SHROOM2: variants seen among roughly 807,000 people sequenced by gnomAD.
SHROOM2 encodes the protein shroom family member 2, also known as protein Shroom2.
In SHROOM2, 33 loss-of-function variants were observed where a neutral mutation model predicts 75.9. That is an observed-to-expected ratio of 0.43 (90% CI 0.33 to 0.58). The LOEUF (loss-of-function observed/expected upper bound fraction) is 0.58. Among genes scored for constraint, SHROOM2 ranks in the 20% least tolerant of loss-of-function variants. The pLI is 0.04. For synonymous variants in SHROOM2, 655 were observed against 663.6 expected (o/e 0.99, Z 0.20); for missense variants, 1,434 against 1,461.2 (o/e 0.98, Z 0.30).
intron 2 of SHROOM2, among the ~76,000 whole-genome samples, chrX:9,887,483 CAAAAAAT>C: frequency 9.0e-6 from 1 of 111,367 alleles, no homozygotes; most frequent in Admixed American, 9.5e-5. Context: ...CTCATCTCTA[CAAAAAAT>C]AAAAAATTAA....
intron 1 of SHROOM2, among the ~76,000 whole-genome samples, chrX:9,801,256 A>G (rs964074998): frequency 6.2e-5 from 7 of 112,268 alleles, no homozygotes; most frequent in African/African-American, 1.9e-4. Context: ...CCATGATTCA[A>G]TTATCTCCCA....
At chrX:9,859,361 T>C (rs1192905442) in intron 1 of SHROOM2, among the ~76,000 whole-genome samples, 4 of 112,604 alleles carry the variant, frequency 3.6e-5, no homozygotes, top group Non-Finnish European at 7.5e-5. Flanking sequence ...GCCTATTGCA[T>C]TGCGACCAGC....
At chrX:9,918,489 T>G (rs2084511464) in intron 5 of SHROOM2, among the ~76,000 whole-genome samples, 2 of 111,192 alleles carry the variant, frequency 1.8e-5, no homozygotes, top group South Asian at 7.6e-4. Context: ...CGCATATCTT[T>G]TCTTTTTTTG....
intron 1 of SHROOM2, among the ~76,000 whole-genome samples, chrX:9,796,440 TA>T (rs2083695530): frequency 9.1e-6 from 1 of 109,743 alleles, no homozygotes; most frequent in Admixed American, 9.7e-5. Flanking sequence ...AAAAAATAAA[TA>T]AAAAATAAAA....
At chrX:9,944,989 C>A in intron 9 of SHROOM2, 76 bp downstream of exon 9, 1 of 1,067,568 alleles carries the variant, frequency 9.4e-7, no homozygotes. Flanking sequence ...TCGTGAAAGT[C>A]AGCTCCTTGG....
intron 1 of SHROOM2, among the ~76,000 whole-genome samples, chrX:9,791,630 A>G (rs2083648169): frequency 1.8e-5 from 2 of 112,029 alleles, no homozygotes; most frequent in South Asian, 3.7e-4. Context: ...TGCAAGCCGA[A>G]AACTTTAACC....
chrX:9,828,589 C>A (rs1284733240), intron 1 of SHROOM2, among the ~76,000 whole-genome samples: 1 of 111,062 alleles, frequency 9.0e-6, no homozygotes, highest in Non-Finnish European at 1.9e-5. Flanking sequence ...CTGAGCCTCC[C>A]GGGTAGCTGG....
At chrX:9,939,817 C>T (rs1482263234) in intron 8 of SHROOM2, among the ~76,000 whole-genome samples, 1 of 111,203 alleles carries the variant, frequency 9.0e-6, no homozygotes, top group Non-Finnish European at 1.9e-5. Flanking sequence ...GATAGAGTCT[C>T]CCTCTGTCAC....
rs767459142 is a variant in SHROOM2 at position 9,894,404 on chromosome X, C to G, written c.496C>G (p.Gln166Glu). 1 of 1,211,289 alleles carries G rather than the reference C, an allele frequency of 8.3e-7. No homozygotes were observed. The highest frequency in any genetic ancestry group is 1.8e-5 in the South Asian group (1 of 56,931). The change falls in exon 4 of 10, where the codon CAG (glutamine) becomes GAG (glutamate). Residue 166 changes from glutamine (Q) to glutamate (E), a missense_variant. Physicochemically the swap from Gln to Glu is conservative, Grantham distance 29. This residue lies in a region of SHROOM2 where 1,340 missense variants were observed against 1,338.3 expected (regional missense o/e 1.00). Coordinates refer to ENST00000380913, the MANE Select transcript of SHROOM2 (RefSeq NM_001649.4). ...LSSSWEQTNL[Q>E]RTLDHFSSLG... ...CAGTTCCTGGGAGCAGACGAACCTACAGCGCACCTTAGATCACTTCAGCTC... is the reference window on the plus strand; with the variant it reads ...CAGTTCCTGGGAGCAGACGAACCTAGAGCGCACCTTAGATCACTTCAGCTC...
intron 1 of SHROOM2, among the ~76,000 whole-genome samples, chrX:9,867,162 C>T (rs753680513): frequency 2.1e-4 from 24 of 111,650 alleles, no homozygotes; most frequent in Non-Finnish European, 3.9e-4. Flanking sequence ...TCCTGCTGTT[C>T]CTAGAGAAAA....
Position 9,914,721 on chromosome X carries a change from G to A in SHROOM2, c.2891+16431G>A, listed in dbSNP as rs777658757. ...ATGTATACCTTGGGTCCTACTATGC[G>A]GTTACCATCTTGATTTTATAATAAA... On this transcript the variant is annotated intron_variant, in intron 5 of 9. Transcript: ENST00000380913. 1.4e-4 allele frequency among the ~76,000 whole-genome samples: 16 copies of A among 111,878 alleles called. No homozygotes were observed. The East Asian group carries it at 2.0e-3, about 14-fold the overall frequency.
intron 1 of SHROOM2, among the ~76,000 whole-genome samples, chrX:9,815,018 C>T (rs759548646): frequency 2.8e-4 from 31 of 111,184 alleles, no homozygotes; most frequent in Non-Finnish European, 5.1e-4. Context: ...CTTTTGAAGC[C>T]GGGAGACAGA....
intron 1 of SHROOM2, among the ~76,000 whole-genome samples, chrX:9,838,057 G>GGT (rs2083957170): frequency 1.3e-5 from 1 of 75,794 alleles, no homozygotes; most frequent in Non-Finnish European, 2.4e-5. Flanking sequence ...TGTGTGTGTG[G>GGT]TTTTTTTTTT....
intron 1 of SHROOM2, among the ~76,000 whole-genome samples, chrX:9,855,318 AAAAG>A (rs2084063137): frequency 9.3e-6 from 1 of 106,987 alleles, no homozygotes; most frequent in Non-Finnish European, 1.9e-5. Context: ...AAAAAAAAAA[AAAAG>A]GCATCCTATC....
At chrX:9,899,585 C>T (rs1438128599) in intron 5 of SHROOM2, among the ~76,000 whole-genome samples, 2 of 112,131 alleles carry the variant, frequency 1.8e-5, no homozygotes, top group African/African-American at 6.5e-5. Context: ...TATCCTTCTA[C>T]AAGGGGATCA....
chrX:9,811,051 C>T (rs897890734), intron 1 of SHROOM2, among the ~76,000 whole-genome samples: 3 of 111,908 alleles, frequency 2.7e-5, no homozygotes, highest in Non-Finnish European at 5.6e-5. Flanking sequence ...AGAAGCATCG[C>T]GTGCAGGATA....
chrX:9,835,976 A>G (rs1445677091), intron 1 of SHROOM2, among the ~76,000 whole-genome samples: 1 of 112,278 alleles, frequency 8.9e-6, no homozygotes, highest in African/African-American at 3.2e-5. Flanking sequence ...CTCACTGTCA[A>G]GTAAAGAACC....
intron 5 of SHROOM2, among the ~76,000 whole-genome samples, chrX:9,922,626 T>A (rs2084556967): frequency 9.0e-6 from 1 of 111,456 alleles, no homozygotes; most frequent in Non-Finnish European, 1.9e-5. Context: ...TGTTCCCTTC[T>A]GTGAATACAG....
intron 1 of SHROOM2, among the ~76,000 whole-genome samples, chrX:9,843,168 C>T (rs2083988292): frequency 9.1e-6 from 1 of 109,921 alleles, no homozygotes. Context: ...GAATTCTCAC[C>T]TCCCCCACAC....
Sources: gnomAD v4.1 joint callset for allele counts (sites outside exome capture counted in the v4.1 genomes callset) on GRCh38, gnomAD v4.1.1 for gene constraint, gnomAD v4.1.1 regional missense constraint, MANE v1.5 for transcripts, NCBI Gene and HGNC (gene_info 2026-07-23, HGNC 2026-07-21) for gene names.